MACF1: variants seen among roughly 807,000 people sequenced by gnomAD.
MACF1 encodes microtubule actin crosslinking factor 1.
MACF1 carries 193 observed loss-of-function variants against 854.8 expected under a neutral mutation model. That is an observed-to-expected ratio of 0.23 (90% CI 0.20 to 0.25). The LOEUF (loss-of-function observed/expected upper bound fraction) is 0.25. Among genes scored for constraint, MACF1 ranks in the 10% least tolerant of loss-of-function variants. The pLI is 1.00. For missense variants in MACF1, 7,722 were observed against 8,929.1 expected (o/e 0.86, Z 5.45); for synonymous variants, 3,185 against 3,226.7 (o/e 0.99, Z 0.44).
intron 22 of MACF1, 121 bp downstream of exon 22, chr1:39,300,483 C>A: frequency 1.5e-5 from 15 of 995,682 alleles, no homozygotes; most frequent in Non-Finnish European, 2.0e-5. Context: ...AGAATTTAAA[C>A]ATGCTGAAGT....
At chr1:39,382,749 A>G (rs933292288) in intron 56 of MACF1, among the ~76,000 whole-genome samples, 1 of 151,884 alleles carries the variant, frequency 6.6e-6, no homozygotes, top group Non-Finnish European at 1.5e-5. Context: ...TTAATATCTT[A>G]TATCTGCCGG....
chr1:39,458,651 A>T, intron 90 of MACF1, 161 bp downstream of exon 90: 4 of 856,714 alleles, frequency 4.7e-6, no homozygotes, highest in Non-Finnish European at 5.3e-6. Flanking sequence ...TTACATTGAC[A>T]GACAGTAGCT....
chr1:39,318,131 A>G (rs1267208911), intron 29 of MACF1, among the ~76,000 whole-genome samples: 1 of 152,228 alleles, frequency 6.6e-6, no homozygotes, highest in East Asian at 1.9e-4. Context: ...AGAACTGTAC[A>G]GCCAATACTA....
intron 54 of MACF1, 63 bp from the exon 55 acceptor site, chr1:39,380,181 C>CCA: frequency 6.5e-7 from 1 of 1,547,856 alleles, no homozygotes; most frequent in Non-Finnish European, 8.8e-7. Flanking sequence ...ATCATTTCTA[C>CCA]CACACACACA....
chr1:39,448,813 G>A (rs936163452), intron 84 of MACF1, 50 bp downstream of exon 84: 5 of 1,447,716 alleles, frequency 3.5e-6, no homozygotes, highest in Non-Finnish European at 4.6e-6. Context: ...CCAAAAGCAA[G>A]AGGTTCTTAC....
At chr1:39,287,592 A>G (rs753919170) in intron 15 of MACF1, 30 bp downstream of exon 15, 13 of 1,610,440 alleles carry the variant, frequency 8.1e-6, no homozygotes, top group Admixed American at 3.3e-5. Flanking sequence ...CTTATGCAGT[A>G]CACTGATGTT....
Position 39,310,354 on chromosome 1 carries a change from A to T in MACF1, c.3026A>T (p.Asp1009Val). The T allele has an allele frequency of 6.2e-7, 1 of 1,613,994 alleles. No homozygotes were observed. The highest frequency in any genetic ancestry group is 8.5e-7 in the Non-Finnish European group (1 of 1,179,986). The change falls in exon 25 of 101, where the codon GAT (aspartate) becomes GTT (valine). Residue 1009 changes from aspartate (D) to valine (V), a missense_variant. This residue lies in a region of MACF1 where 1,137 missense variants were observed against 1,263.0 expected (regional missense o/e 0.90). Transcript: ENST00000564288. The part of the protein sequence containing the change: ...SRDSVLFSVA[D>V]RLRLEEEVEA... ...GACTCTGTGCTGTTCTCAGTGGCTG[A>T]TCGCTTGCGCTTGGAAGAGGAGGTG...
chr1:39,237,355 T>C (rs1325922800), intron 2 of MACF1, among the ~76,000 whole-genome samples: 1 of 152,244 alleles, frequency 6.6e-6, no homozygotes, highest in Non-Finnish European at 1.5e-5. Flanking sequence ...CACTCATCGA[T>C]GTTCTCTGTT....
intron 1 of MACF1, among the ~76,000 whole-genome samples, chr1:39,223,212 T>A (rs1400154449): frequency 6.6e-6 from 1 of 152,194 alleles, no homozygotes; most frequent in African/African-American, 2.4e-5. Context: ...GGAAATTTTT[T>A]AAACAAGGCT....
At chr1:39,115,174 T>C (rs1018271012) in intron 2 of MACF1, among the ~76,000 whole-genome samples, 1 of 152,104 alleles carries the variant, frequency 6.6e-6, no homozygotes, top group Admixed American at 6.6e-5. Context: ...TAGATTTACA[T>C]TTTAGGAGTA....
chr1:39,287,892 C>T (rs1283566956), intron 15 of MACF1, among the ~76,000 whole-genome samples: 1 of 152,176 alleles, frequency 6.6e-6, no homozygotes, highest in South Asian at 2.1e-4. Flanking sequence ...CAAATTCTCA[C>T]AGTCCCGTAC....
intron 37 of MACF1, 108 bp downstream of exon 37, chr1:39,336,761 C>A: frequency 1.0e-6 from 1 of 972,558 alleles, no homozygotes; most frequent in Non-Finnish European, 1.5e-6. Context: ...TGCCTCTATA[C>A]ATTTTAAGGC....
chr1:39,457,738 CTGTT>C (rs1023643665), intron 89 of MACF1: 2 of 152,508 alleles, frequency 1.3e-5, no homozygotes, highest in African/African-American at 4.8e-5. Flanking sequence ...ATCCCTGTCT[CTGTT>C]TGGGTTGCAC....
rs1465294736 is a variant in MACF1, at chr1:39,322,487, G to C, written c.4030-121G>C. On this transcript the variant is annotated intron_variant, in intron 31 of 100. Coordinates refer to ENST00000564288, the MANE Select transcript of MACF1 (RefSeq NM_001394062.1). ...GTCTGGCCTTTTACAGGAAAAGTTT[G>C]CTAACCTCCAGCATGAGTGGTCACC... 6 of 750,316 alleles carry C rather than the reference G, an allele frequency of 8.0e-6. No individual in the cohort carries two copies. In the East Asian group the frequency reaches 1.5e-4, roughly 19 times the overall value. The allele number at this position is 750,316 out of a possible 1,614,324, so 46.5% of individuals were successfully genotyped here. A position where few individuals can be genotyped will look rare whatever the true frequency, so the allele number is the denominator to read the frequency against.
At chr1:39,256,739 G>C (rs1645101122) in intron 5 of MACF1, among the ~76,000 whole-genome samples, 1 of 152,134 alleles carries the variant, frequency 6.6e-6, no homozygotes, top group Admixed American at 6.5e-5. Context: ...GAGTTGTTGG[G>C]ATGAGATTTT....
chr1:39,448,876 C>T, intron 84 of MACF1, 113 bp downstream of exon 84: 2 of 681,922 alleles, frequency 2.9e-6, no homozygotes, highest in Non-Finnish European at 4.7e-6. Context: ...GGTTTTGTAC[C>T]ATCTTAACAC....
At chr1:39,411,300 A>T (rs1479522499) in intron 58 of MACF1, 1 of 1,613,950 alleles carries the variant, frequency 6.2e-7, no homozygotes, top group African/African-American at 1.3e-5. Flanking sequence ...CAGACAGGGA[A>T]AAGACTTTTC....
In MACF1 at chr1:39,105,814, CG is replaced by C; in HGVS notation, c.220+21380del. 6 of 935,938 alleles carry C rather than the reference CG, an allele frequency of 6.4e-6. No homozygotes were observed. The highest frequency in any genetic ancestry group is 7.7e-6 in the Non-Finnish European group (6 of 783,696). The allele number at this position is 935,938 out of a possible 1,614,324, so 58.0% of individuals were successfully genotyped here. A position where few individuals can be genotyped will look rare whatever the true frequency, so the allele number is the denominator to read the frequency against. On this transcript the variant is annotated intron_variant, in intron 2 of 93. Transcript: ENST00000361689. This position sits in a 1 kb window ranked among gnomAD's most constrained non-coding sequence, Gnocchi z 5.9. ...GGCGGCTGCAGGTGGGGCGGCCGGGCGGGGTCGCACCCACCGCGCGGGGCTT... is the reference window on the plus strand; with the variant it reads ...GGCGGCTGCAGGTGGGGCGGCCGGGCGGGTCGCACCCACCGCGCGGGGCTT...
chr1:39,424,203 A>G lies in MACF1; in HGVS notation c.16316+9A>G. 1 of 1,610,048 alleles carries G rather than the reference A, an allele frequency of 6.2e-7. No homozygotes were observed. Among genetic ancestry groups the G allele is most frequent in the Admixed American group, 1.7e-5 (1 of 59,764 alleles). On this transcript the variant is annotated intron_variant, in intron 61 of 100. Transcript: ENST00000564288. ...AGTAAGGCAGCAGCCAGGTAAGATCAAAGGAATTTTGAGGAGTGGGTCAGA... is the reference window on the plus strand; with the variant it reads ...AGTAAGGCAGCAGCCAGGTAAGATCGAAGGAATTTTGAGGAGTGGGTCAGA...
Sources: gnomAD v4.1 joint callset for allele counts (sites outside exome capture counted in the v4.1 genomes callset) on GRCh38, gnomAD v4.1.1 for gene constraint, gnomAD v4.1.1 regional missense constraint, Gnocchi (gnomAD v3.1) non-coding constraint, MANE v1.5 for transcripts, NCBI Gene and HGNC (gene_info 2026-07-23, HGNC 2026-07-21) for gene names.